Variants in ALDH1L2 observed in about 807,000 individuals in gnomAD.
ALDH1L2 encodes the protein mitochondrial 10-formyltetrahydrofolate dehydrogenase.
Under a neutral mutation model 111.0 loss-of-function variants are expected in ALDH1L2, and 91 were observed. That is an observed-to-expected ratio of 0.82 (90% CI 0.69 to 0.98). The LOEUF (loss-of-function observed/expected upper bound fraction) is 0.98, where lower values mean the gene tolerates loss of function less well. ALDH1L2 is among the 50% of genes least tolerant of loss of function. The probability of loss-of-function intolerance (pLI) is 0.00; values close to 1 mark genes in which losing one functional copy is unlikely to be tolerated. For synonymous variants in ALDH1L2, 374 were observed against 392.6 expected (o/e 0.95, Z 0.56); for missense variants, 995 against 1,126.8 (o/e 0.88, Z 1.67).
Position 105,073,157 on chromosome 12 carries a change from TTAATC to T in ALDH1L2, c.193+699_193+703del, listed in dbSNP as rs776303096. 1.1e-3 allele frequency among the ~76,000 whole-genome samples: 163 copies of T among 152,334 alleles called. 1 individual carries two copies. Among genetic ancestry groups the T allele is most frequent in the Non-Finnish European group, 7.3e-4 (50 of 68,036 alleles). ...GCATAGTGTGAGCACTTTGTGTACA[TTAATC>T]TAATTTAATCCTCATAGCAGCCACG... On this transcript the variant is annotated intron_variant, in intron 2 of 22. Transcript: ENST00000258494.
chr12:105,034,193 C>A, intron 19 of ALDH1L2, 107 bp downstream of exon 19: 3 of 1,068,050 alleles, frequency 2.8e-6, no homozygotes, highest in South Asian at 1.5e-5. Flanking sequence ...AACATAACCA[C>A]AATACTGTTA....
intron 22 of ALDH1L2, among the ~76,000 whole-genome samples, chr12:105,025,279 GTA>G (rs1874355593): frequency 6.6e-6 from 1 of 152,198 alleles, no homozygotes; most frequent in Non-Finnish European, 1.5e-5. Context: ...ATCAGTATCT[GTA>G]TTTTTTGAAG....
At chr12:105,083,620 TA>T (rs1474143487) in intron 1 of ALDH1L2, among the ~76,000 whole-genome samples, 1 of 147,610 alleles carries the variant, frequency 6.8e-6, no homozygotes, top group Non-Finnish European at 1.5e-5. Context: ...AGACAGTTTT[TA>T]TTTTTTTTTT....
chr12:105,063,827 C>T (rs926437130), intron 6 of ALDH1L2, among the ~76,000 whole-genome samples: 4 of 152,254 alleles, frequency 2.6e-5, no homozygotes, highest in Non-Finnish European at 4.4e-5. Context: ...GAGACACTGA[C>T]GCTGACTGCA....
Position 105,035,943 on chromosome 12 carries a change from TATATTA to T in ALDH1L2, c.2146-1551_2146-1546del, listed in dbSNP as rs1264754982. Among the ~76,000 whole-genome samples, 267 of 113,490 alleles carry T rather than the reference TATATTA, an allele frequency of 2.4e-3. 69 individuals carry two copies. The highest frequency in any genetic ancestry group is 0.012 in the African/African-American group (260 of 22,426). 74.5% of individuals were successfully genotyped at this position (113,490 alleles called of 152,430 possible). A position where few individuals can be genotyped will look rare whatever the true frequency, so the allele number is the denominator to read the frequency against. ...ATATACATATATTTATATGTGTATA[TATATTA>T]TATATATACGTATATTTATATGTGT... is the stretch of plus-strand genomic sequence containing the variant. On this transcript the variant is annotated intron_variant, in intron 18 of 22. Transcript: ENST00000258494.
rs1874866454 is a variant in ALDH1L2 at position 105,034,397 on chromosome 12, C to T, written c.2147G>A (p.Gly716Asp). ...TTTGTTGAAAAATACTGCTCCCATGCCCTTCAGTGGGAGAAGAGAAAATAT... is the reference window on the plus strand; with the variant it reads ...TTTGTTGAAAAATACTGCTCCCATGTCCTTCAGTGGGAGAAGAGAAAATAT... ...DCELDKAVRM[G>D]MGAVFFNKGE... Residue 716 changes from glycine to aspartate, a missense_variant and splice_region_variant, in exon 19 of 23, where the codon GGC (glycine) becomes GAC (aspartate). Gly to Asp is a moderately conservative substitution (Grantham distance 94). Coordinates refer to ENST00000258494, the MANE Select transcript of ALDH1L2 (RefSeq NM_001034173.4). The T allele has an allele frequency of 6.2e-7, 1 of 1,610,570 alleles. No individual in the cohort carries two copies. Among genetic ancestry groups the T allele is most frequent in the Non-Finnish European group, 8.5e-7 (1 of 1,178,742 alleles).
intron 21 of ALDH1L2, among the ~76,000 whole-genome samples, chr12:105,029,011 G>T (rs1376786634): frequency 6.7e-6 from 1 of 149,166 alleles, no homozygotes; most frequent in Non-Finnish European, 1.5e-5. Context: ...AAACATTACT[G>T]CCATCTGCTT....
intron 19 of ALDH1L2, among the ~76,000 whole-genome samples, chr12:105,032,171 CTTCT>C (rs1320312901): frequency 7.4e-6 from 1 of 134,274 alleles, no homozygotes; most frequent in African/African-American, 2.9e-5. Flanking sequence ...CAACCTCGAA[CTTCT>C]TTTTTTTTTT....
chr12:105,067,734 C>A (rs1219316501), intron 4 of ALDH1L2, among the ~76,000 whole-genome samples: 1 of 152,140 alleles, frequency 6.6e-6, no homozygotes, highest in Non-Finnish European at 1.5e-5. Flanking sequence ...GAGGGAGCCA[C>A]AGGGGAACAG....
intron 2 of ALDH1L2, among the ~76,000 whole-genome samples, chr12:105,071,229 T>A (rs925008941): frequency 1.3e-5 from 2 of 152,148 alleles, no homozygotes; most frequent in Admixed American, 1.3e-4. Context: ...ACTGAACACA[T>A]CGTAGACCAG....
At chr12:105,035,835 A>ATG (rs569473287) in intron 18 of ALDH1L2, among the ~76,000 whole-genome samples, 26,937 of 98,880 alleles carry the variant, frequency 0.27, 5,631 homozygotes, top group East Asian at 0.53. Flanking sequence ...CTATATATAT[A>ATG]TATATGTGTG....
At position 105,049,963 on chromosome 12, in the gene ALDH1L2, A is replaced by G. The variant is rs758602366; in HGVS notation, c.1631T>C (p.Ile544Thr). ...TCTGAATGTTTGCACAGACATTCCA[A>G]TGTGTGTCTTCAGGGCCAAGGTATA... ...AVYTLALKTHIGMSVQTFRYF... is the reference protein window; with the variant it reads ...AVYTLALKTHTGMSVQTFRYF... Residue 544 changes from isoleucine (I) to threonine (T), a missense_variant, in exon 13 of 23, where the codon ATT (isoleucine) becomes ACT (threonine). Coordinates refer to ENST00000258494, the MANE Select transcript of ALDH1L2 (RefSeq NM_001034173.4). 6 of 1,613,044 alleles carry G rather than the reference A, an allele frequency of 3.7e-6. No homozygotes were observed. The highest frequency in any genetic ancestry group is 5.1e-6 in the Non-Finnish European group (6 of 1,179,462).
In ALDH1L2 at chr12:105,022,361, A is replaced by G. The variant is rs56741182; in HGVS notation, c.*2063T>C. ...AATTTTGGGGGTAGAAGCGGGACAC[A>G]GGGAGTGTTCATAGCTTTTATCAGA... On this transcript the variant is annotated 3_prime_UTR_variant, in exon 23 of 23. Coordinates refer to ENST00000258494, the MANE Select transcript of ALDH1L2 (RefSeq NM_001034173.4). 16,356 of 152,208 alleles carry G rather than the reference A, an allele frequency of 0.11. 1,036 individuals are homozygous for G. The highest frequency in any genetic ancestry group is 0.17 in the East Asian group (857 of 5,164). The allele number at this position is 152,208 out of a possible 1,614,324, so 9.4% of individuals were successfully genotyped here.
intron 10 of ALDH1L2, 140 bp downstream of exon 10, chr12:105,057,933 T>C (rs1406649962): frequency 9.7e-7 from 1 of 1,035,838 alleles, no homozygotes; most frequent in African/African-American, 1.7e-5. Context: ...GGGAATTTTA[T>C]GCCATCTGAA....
chr12:105,028,037 TTCTAGTGTGA>T (rs1326698051), intron 21 of ALDH1L2, among the ~76,000 whole-genome samples: 5 of 152,204 alleles, frequency 3.3e-5, no homozygotes, highest in African/African-American at 1.2e-4. Flanking sequence ...ATGTACCTTC[TTCTAGTGTGA>T]TCCTAATGCT....
At chr12:105,054,793 C>A (rs1876512583) in intron 10 of ALDH1L2, among the ~76,000 whole-genome samples, 2 of 152,062 alleles carry the variant, frequency 1.3e-5, no homozygotes, top group South Asian at 4.1e-4. Flanking sequence ...CAAAGTGATC[C>A]TCCTGCCTCA....
At position 105,061,045 on chromosome 12, in the gene ALDH1L2, C is replaced by T. The variant is rs770628106; in HGVS notation, c.1075G>A (p.Val359Ile). The T allele has an allele frequency of 4.3e-6, 7 of 1,613,776 alleles. No individual in the cohort carries two copies. The Admixed American group carries it at 6.7e-5, about 15-fold the overall frequency. Residue 359 changes from valine (V) to isoleucine (I), a missense_variant, in exon 9 of 23, where the codon GTC (valine) becomes ATC (isoleucine). Coordinates refer to ENST00000258494, the MANE Select transcript of ALDH1L2 (RefSeq NM_001034173.4). Reference protein sequence around the residue: ...KVIWAGILSNVPIIEDSTDFF... With the variant: ...KVIWAGILSNIPIIEDSTDFF... ...TCTGTTGAGTCTTCAATAATGGGGA[C>T]ATTGCTTAAAATTCCAGCCCAGATG...
In ALDH1L2 at chr12:105,024,048, G is replaced by A; in HGVS notation, c.*376C>T. 1 of 246,522 alleles carries A rather than the reference G, an allele frequency of 4.1e-6. No homozygotes were observed. Among genetic ancestry groups the A allele is most frequent in the Non-Finnish European group, 7.8e-6 (1 of 128,106 alleles). The allele number at this position is 246,522 out of a possible 1,614,324, so 15.3% of individuals were successfully genotyped here. ...ATAACCCCCTATGTATAGTTCAGAG[G>A]TTAAAAACCTGTACATATTATACAA... On this transcript the variant is annotated 3_prime_UTR_variant, in exon 23 of 23. Transcript: ENST00000258494.
chr12:105,078,566 A>T (rs991269717), intron 1 of ALDH1L2, among the ~76,000 whole-genome samples: 1 of 152,186 alleles, frequency 6.6e-6, no homozygotes, highest in African/African-American at 2.4e-5. Context: ...TACCCTAGAC[A>T]TGGTCTTGCC....
Sources: allele counts gnomAD v4.1 joint callset (sites outside exome capture counted in the v4.1 genomes callset), GRCh38; gene constraint gnomAD v4.1.1; transcripts MANE v1.5; gene names NCBI Gene and HGNC (gene_info 2026-07-23, HGNC 2026-07-21).